The following CD1B variants were observed in gnomAD, a reference collection of about 807,000 sequenced individuals.
CD1B encodes the protein CD1b molecule.
In CD1B, 43 loss-of-function variants were observed where a neutral mutation model predicts 39.8. That is an observed-to-expected ratio of 1.08 (90% confidence interval 0.85 to 1.39). The LOEUF (loss-of-function observed/expected upper bound fraction) is 1.39. Ranked by LOEUF, CD1B falls within the 40% of genes most tolerant of loss-of-function variation. The probability of loss-of-function intolerance (pLI) is 0.00; values close to 1 mark genes in which losing one functional copy is unlikely to be tolerated. For missense variants in CD1B, 495 were observed against 403.8 expected (o/e 1.23, Z -1.94); for synonymous variants, 192 against 152.5 (o/e 1.26, Z -1.91).
the CD1B span, among the ~76,000 whole-genome samples, chr1:158,313,530 G>C: frequency 6.6e-6 from 1 of 152,084 alleles, no homozygotes; most frequent in East Asian, 1.9e-4. Flanking sequence ...GGCTGGTCTT[G>C]AACTCCTGGG....
rs1652423608 is a variant in CD1B at position 158,328,014 on chromosome 1, T to C, written c.*222A>G. Reference sequence around the variant, plus strand: ...ATTTTTTCTAACATTTTAATGTGTGTAAAATCAGGGTGAATCACACTGTTA... The same window carrying C: ...ATTTTTTCTAACATTTTAATGTGTGCAAAATCAGGGTGAATCACACTGTTA... On this transcript the variant is annotated 3_prime_UTR_variant, in exon 6 of 6. Transcript: ENST00000368168. 2 of 449,956 alleles carry C rather than the reference T, an allele frequency of 4.4e-6. No homozygotes were observed. The highest frequency in any genetic ancestry group is 7.9e-6 in the Non-Finnish European group (2 of 253,690). 27.9% of individuals were successfully genotyped at this position (449,956 alleles called of 1,614,324 possible).
chr1:158,316,728 C>T, the CD1B span, among the ~76,000 whole-genome samples: 15 of 151,386 alleles, frequency 9.9e-5, no homozygotes, highest in African/African-American at 3.4e-4. Flanking sequence ...GCATCCTTGT[C>T]TTGTGCCAGT....
the CD1B span, among the ~76,000 whole-genome samples, chr1:158,309,251 T>A: frequency 9.8e-5 from 15 of 152,306 alleles, no homozygotes; most frequent in East Asian, 2.9e-3. Flanking sequence ...TCACTGGCCA[T>A]CAGAGAAATG....
chr1:158,296,595 G>T, the CD1B span, among the ~76,000 whole-genome samples: 1 of 152,116 alleles, frequency 6.6e-6, no homozygotes, highest in South Asian at 2.1e-4. Context: ...TTCCTAACCA[G>T]ACTAAAATGG....
chr1:158,306,668 A>T, the CD1B span, among the ~76,000 whole-genome samples: 1 of 152,224 alleles, frequency 6.6e-6, no homozygotes, highest in Non-Finnish European at 1.5e-5. Context: ...AAAATTGACC[A>T]CATAGTTGGA....
the CD1B span, among the ~76,000 whole-genome samples, chr1:158,289,478 C>A: frequency 6.6e-6 from 1 of 151,954 alleles, no homozygotes; most frequent in Non-Finnish European, 1.5e-5. Context: ...TAAAAAGCAA[C>A]GTCTCCAATT....
the CD1B span, among the ~76,000 whole-genome samples, chr1:158,319,484 G>T: frequency 6.6e-6 from 1 of 151,976 alleles, no homozygotes; most frequent in Admixed American, 6.6e-5. Context: ...CATTCTTCAC[G>T]TAGTTCTTGA....
At chr1:158,304,500 C>T in the CD1B span, among the ~76,000 whole-genome samples, 1 of 152,148 alleles carries the variant, frequency 6.6e-6, no homozygotes, top group East Asian at 1.9e-4. Context: ...TCTGTAGACT[C>T]CATGTCTGGG....
At chr1:158,292,204 T>G in the CD1B span, 22 of 1,614,066 alleles carry the variant, frequency 1.4e-5, no homozygotes, top group Non-Finnish European at 1.9e-5. Context: ...ACAACATGGG[T>G]GCCATCTCCA....
Position 158,328,271 on chromosome 1 carries a change from A to T in CD1B, c.981-14T>A, listed in dbSNP as rs553678046. Reference sequence around the variant, plus strand: ...TTCTGATATGACCTGTTAAAAACAGAAGAACAAAAGAGCTCCACATAAAAG... The same window carrying T: ...TTCTGATATGACCTGTTAAAAACAGTAGAACAAAAGAGCTCCACATAAAAG... On this transcript the variant is annotated splice_polypyrimidine_tract_variant and intron_variant, in intron 5 of 5. Transcript: ENST00000368168. 6.2e-7 allele frequency: 1 copy of T among 1,605,598 alleles called. No homozygotes were observed. Among genetic ancestry groups the T allele is most frequent in the Admixed American group, 1.7e-5 (1 of 59,880 alleles).
the CD1B span, among the ~76,000 whole-genome samples, chr1:158,304,783 AT>A: frequency 6.6e-6 from 1 of 152,188 alleles, no homozygotes; most frequent in Admixed American, 6.5e-5. Context: ...GTTCACCAAT[AT>A]CTGCTGTTCT....
the CD1B span, chr1:158,291,262 A>G: frequency 1.2e-6 from 2 of 1,614,128 alleles, no homozygotes; most frequent in Non-Finnish European, 1.7e-6. Flanking sequence ...TGAATCAGGC[A>G]CAATAATTTT....
At chr1:158,311,508 T>C in the CD1B span, among the ~76,000 whole-genome samples, 1 of 152,170 alleles carries the variant, frequency 6.6e-6, no homozygotes, top group East Asian at 1.9e-4. Flanking sequence ...GTTAGTTAGA[T>C]AAAATTTCAT....
the CD1B span, among the ~76,000 whole-genome samples, chr1:158,316,533 C>T: frequency 1.3e-5 from 2 of 151,914 alleles, no homozygotes; most frequent in East Asian, 3.8e-4. Context: ...GCTGAAGTTG[C>T]TTATCTGCTT....
the CD1B span, among the ~76,000 whole-genome samples, chr1:158,295,523 G>A: frequency 6.6e-6 from 1 of 152,136 alleles, no homozygotes. Context: ...GAACCCAGAG[G>A]GTTTGGTGTG....
At chr1:158,324,606 G>A (rs1373947244), downstream of CD1B, among the ~76,000 whole-genome samples, 10 of 152,126 alleles carry the variant, frequency 6.6e-5, no homozygotes, top group African/African-American at 1.4e-4. Flanking sequence ...TGAAGTGAAA[G>A]TGTAAATATG....
chr1:158,321,016 AG>A, the CD1B span, among the ~76,000 whole-genome samples: 3 of 152,174 alleles, frequency 2.0e-5, no homozygotes, highest in Non-Finnish European at 4.4e-5. Context: ...AGCATCTGTT[AG>A]GTTCATTTGG....
chr1:158,313,013 G>A, the CD1B span, among the ~76,000 whole-genome samples: 1 of 152,036 alleles, frequency 6.6e-6, no homozygotes, highest in Non-Finnish European at 1.5e-5. Context: ...TTGTGTTTAG[G>A]TACGTTCCTT....
the CD1B span, among the ~76,000 whole-genome samples, chr1:158,307,556 A>G: frequency 6.6e-6 from 1 of 152,316 alleles, no homozygotes; most frequent in South Asian, 2.1e-4. Context: ...TCAATAGAAA[A>G]AGAGGGAATC....
Sources: gnomAD v4.1 joint callset for allele counts (sites outside exome capture counted in the v4.1 genomes callset) on GRCh38, gnomAD v4.1.1 for gene constraint, MANE v1.5 for transcripts, NCBI Gene and HGNC (gene_info 2026-07-23, HGNC 2026-07-21) for gene names.